Variants in ANXA8 observed in about 807,000 individuals in gnomAD.
The protein encoded by ANXA8 is annexin A8, also known as VAC-beta.
A neutral mutation model predicts 26.8 loss-of-function variants in ANXA8; 9 were observed. That is an observed-to-expected ratio of 0.34 (90% CI 0.20 to 0.59). The LOEUF is 0.59. Ranked by LOEUF, ANXA8 falls within the 20% of genes least tolerant of loss-of-function variation. The pLI, the probability that ANXA8 is intolerant of heterozygous loss-of-function variation, is 0.84. For missense variants in ANXA8, 83 were observed against 238.5 expected (o/e 0.35, Z 4.29); for synonymous variants, 39 against 94.8 (o/e 0.41, Z 3.42).
chr10:47,562,518 A>C, the ANXA8 span, among the ~76,000 whole-genome samples: 1 of 91,686 alleles, frequency 1.1e-5, no homozygotes, highest in Non-Finnish European at 2.2e-5. Context: ...TCAAACATCA[A>C]CCCTGCTCAG....
the ANXA8 span, among the ~76,000 whole-genome samples, chr10:47,644,235 T>C: frequency 6.7e-6 from 1 of 148,658 alleles, no homozygotes; most frequent in Non-Finnish European, 1.5e-5. Context: ...AACATAGCTC[T>C]CATTAACCTT....
At chr10:47,699,428 C>T in the ANXA8 span, among the ~76,000 whole-genome samples, 2 of 146,422 alleles carry the variant, frequency 1.4e-5, no homozygotes, top group Non-Finnish European at 3.0e-5. Flanking sequence ...TCTCTATTTA[C>T]AAATGCTCTG....
the ANXA8 span, among the ~76,000 whole-genome samples, chr10:47,737,089 TCTC>T: frequency 1.4e-5 from 2 of 146,960 alleles, no homozygotes; most frequent in Admixed American, 1.4e-4. Context: ...ATTAGTATGT[TCTC>T]CTTATAAAGT....
chr10:47,980,370 G>A, the ANXA8 span, among the ~76,000 whole-genome samples: 3 of 151,348 alleles, frequency 2.0e-5, no homozygotes, highest in African/African-American at 7.3e-5. Context: ...AGTAGAAAAG[G>A]AAGCGCAAAC....
chr10:47,938,888 C>T, the ANXA8 span, among the ~76,000 whole-genome samples: 1 of 145,006 alleles, frequency 6.9e-6, no homozygotes, highest in African/African-American at 2.7e-5. Context: ...TCCTCAAGGT[C>T]ATCTTCATCC....
At chr10:47,690,945 A>G in the ANXA8 span, 58 of 1,611,232 alleles carry the variant, frequency 3.6e-5, 1 homozygote, top group Non-Finnish European at 4.1e-5. Flanking sequence ...ATTCTGCTGT[A>G]GAAATGGATC....
At chr10:47,548,438 A>G in the ANXA8 span, among the ~76,000 whole-genome samples, 1 of 151,690 alleles carries the variant, frequency 6.6e-6, no homozygotes, top group Non-Finnish European at 1.5e-5. Context: ...AGTAACTGGG[A>G]TTACAGGCAT....
At chr10:47,760,830 G>T in the ANXA8 span, 1 of 1,353,958 alleles carries the variant, frequency 7.4e-7, no homozygotes, top group Non-Finnish European at 1.0e-6. Flanking sequence ...CTGATGCCGG[G>T]CAGGGGTCCC....
the ANXA8 span, among the ~76,000 whole-genome samples, chr10:47,591,608 TA>T: frequency 2.5e-4 from 36 of 144,460 alleles, no homozygotes; most frequent in Admixed American, 2.1e-3. Context: ...CAGGCCCGGC[TA>T]ATTTTTTGTA....
At chr10:47,707,408 A>T in the ANXA8 span, among the ~76,000 whole-genome samples, 2 of 143,450 alleles carry the variant, frequency 1.4e-5, no homozygotes, top group African/African-American at 4.9e-5. Context: ...TTTTTTAGAG[A>T]CAGGATCTCA....
At chr10:47,945,124 C>T in the ANXA8 span, among the ~76,000 whole-genome samples, 67 of 150,182 alleles carry the variant, frequency 4.5e-4, no homozygotes, top group African/African-American at 1.6e-3. Context: ...GCCCTGAGTT[C>T]GACCCTCTTG....
the ANXA8 span, among the ~76,000 whole-genome samples, chr10:47,724,508 T>A: frequency 3.5e-5 from 5 of 141,464 alleles, no homozygotes; most frequent in Non-Finnish European, 7.8e-5. Flanking sequence ...TTCTCGAATG[T>A]CTTCCCTCTG....
At chr10:47,733,219 T>TCTCTCTCTCTCTCTCTCTC in the ANXA8 span, among the ~76,000 whole-genome samples, 1 of 68,044 alleles carries the variant, frequency 1.5e-5, no homozygotes, top group Non-Finnish European at 3.1e-5. Context: ...CTTTCTTTCT[T>TCTCTCTCTCTCTCTCTCTC]TCTCTTTCTT....
At chr10:47,487,934 T>C (rs1289876347), upstream of ANXA8, among the ~76,000 whole-genome samples, 152 of 151,336 alleles carry the variant, frequency 1.0e-3, 3 homozygotes, top group African/African-American at 3.6e-3. Flanking sequence ...ATGTTTACGA[T>C]GTCTTCCCCC....
the ANXA8 span, among the ~76,000 whole-genome samples, chr10:47,653,156 A>T: frequency 3.3e-5 from 5 of 150,714 alleles, no homozygotes; most frequent in South Asian, 1.0e-3. Context: ...TACTAAAAAT[A>T]CAAAGATTAG....
the ANXA8 span, among the ~76,000 whole-genome samples, chr10:47,666,286 T>C: frequency 1.4e-5 from 2 of 147,938 alleles, no homozygotes; most frequent in African/African-American, 5.1e-5. Context: ...AGTATTCAAA[T>C]AAACGTTTCA....
Position 47,468,830 on chromosome 10 carries a change from T to C in ANXA8, c.*17A>G. 1 of 1,609,780 alleles carries C rather than the reference T, an allele frequency of 6.2e-7. No individual in the cohort carries two copies. The highest frequency in any genetic ancestry group is 8.5e-7 in the Non-Finnish European group (1 of 1,179,414). On this transcript the variant is annotated 3_prime_UTR_variant, in exon 12 of 12. Transcript: ENST00000585281. ...GAGACTCTGGCTTCATGGTCTTTGC[T>C]CTTGTTCTTCTGTGCCTCAGGGGTC...
the ANXA8 span, among the ~76,000 whole-genome samples, chr10:47,987,668 A>G: frequency 6.6e-6 from 1 of 150,868 alleles, no homozygotes; most frequent in Admixed American, 6.6e-5. Context: ...GAGGTATTGC[A>G]GATATTTGTG....
chr10:47,721,078 T>A, the ANXA8 span, among the ~76,000 whole-genome samples: 2 of 140,764 alleles, frequency 1.4e-5, no homozygotes, highest in Non-Finnish European at 3.1e-5. Context: ...GCCCAGGAGA[T>A]CAATTGTTAC....
Sources: gnomAD v4.1 joint callset for allele counts (sites outside exome capture counted in the v4.1 genomes callset) on GRCh38, gnomAD v4.1.1 for gene constraint, MANE v1.5 for transcripts, NCBI Gene and HGNC (gene_info 2026-07-23, HGNC 2026-07-21) for gene names.